Variants in EPHB1 observed in about 807,000 individuals in gnomAD.
EPHB1 encodes ephrin type-B receptor 1.
EPHB1 carries 30 observed loss-of-function variants against 94.4 expected under a neutral mutation model. The ratio of observed to expected loss-of-function variants is 0.32; its 90% CI spans 0.24 to 0.43. The LOEUF (loss-of-function observed/expected upper bound fraction) is 0.43. Among genes scored for constraint, EPHB1 ranks in the 20% least tolerant of loss-of-function variants. The pLI, the probability that EPHB1 is intolerant of heterozygous loss-of-function variation, is 1.00. For synonymous variants in EPHB1, 522 were observed against 489.1 expected, an observed-to-expected ratio of 1.07 and a Z score of -0.89; for missense variants, 1,055 against 1,308.3, an observed-to-expected ratio of 0.81 and a Z score of 2.99.
chr3:135,172,712 G>A (rs916187638), intron 9 of EPHB1, among the ~76,000 whole-genome samples: 2 of 152,266 alleles, frequency 1.3e-5, no homozygotes, highest in African/African-American at 4.8e-5. Context: ...ATTAGTCAAT[G>A]AGGAGAGTAA....
At chr3:134,991,526 A>G (rs1934797961) in intron 3 of EPHB1, among the ~76,000 whole-genome samples, 1 of 152,092 alleles carries the variant, frequency 6.6e-6, no homozygotes, top group Non-Finnish European at 1.5e-5. Flanking sequence ...TTTTAAAAAT[A>G]CCCTCTCAGC....
At chr3:134,939,383 G>GA (rs1454588326) in intron 2 of EPHB1, among the ~76,000 whole-genome samples, 42 of 151,916 alleles carry the variant, frequency 2.8e-4, no homozygotes, top group African/African-American at 1.0e-3. Flanking sequence ...ATGGGGGGTG[G>GA]GGGGGTGGCA....
chr3:135,255,174 C>G (rs898222044), intron 15 of EPHB1, among the ~76,000 whole-genome samples: 7 of 151,946 alleles, frequency 4.6e-5, no homozygotes, highest in Admixed American at 1.3e-4. Context: ...CTCCTGGATT[C>G]ATTAATTTTT....
At chr3:135,237,277 TACACACAC>T (rs10572168) in intron 12 of EPHB1, among the ~76,000 whole-genome samples, 13,276 of 147,386 alleles carry the variant, frequency 0.09, 902 homozygotes, top group East Asian at 0.21. Flanking sequence ...CACCAAATTC[TACACACAC>T]ACACACACAC....
intron 13 of EPHB1, among the ~76,000 whole-genome samples, chr3:135,242,308 G>A (rs922297143): frequency 6.6e-6 from 1 of 152,166 alleles, no homozygotes; most frequent in Admixed American, 6.5e-5. Context: ...AGCTAAAAGA[G>A]AAAGAATGGT....
At chr3:134,963,177 C>CCTTCCTT (rs1214760241) in intron 3 of EPHB1, among the ~76,000 whole-genome samples, 1 of 139,678 alleles carries the variant, frequency 7.2e-6, no homozygotes, top group Non-Finnish European at 1.5e-5. Flanking sequence ...TTCCTTCCTT[C>CCTTCCTT]CTTCCTTCTT....
intron 3 of EPHB1, among the ~76,000 whole-genome samples, chr3:135,035,510 T>C (rs1323310640): frequency 1.3e-5 from 2 of 152,218 alleles, no homozygotes; most frequent in Admixed American, 6.5e-5. Flanking sequence ...AGGAGTCTTT[T>C]ATACTTAAAG....
At chr3:135,101,823 A>G (rs1050778188) in intron 3 of EPHB1, among the ~76,000 whole-genome samples, 6 of 151,890 alleles carry the variant, frequency 4.0e-5, no homozygotes, top group Non-Finnish European at 1.5e-5. Flanking sequence ...TGTGACTCTC[A>G]TCTTATAAGG....
At chr3:135,079,049 G>A (rs1258589369) in intron 3 of EPHB1, among the ~76,000 whole-genome samples, 1 of 151,664 alleles carries the variant, frequency 6.6e-6, no homozygotes, top group Non-Finnish European at 1.5e-5. Context: ...TCTGGGTTAG[G>A]AGTGTATCAG....
At chr3:135,249,556 C>A in intron 15 of EPHB1, 65 bp downstream of exon 15, 2 of 1,549,354 alleles carry the variant, frequency 1.3e-6, no homozygotes, top group East Asian at 2.3e-5. Flanking sequence ...CCTGCTATTG[C>A]AGATGGTGTG....
At chr3:135,159,040 G>A (rs747591499) in intron 6 of EPHB1, among the ~76,000 whole-genome samples, 4 of 152,172 alleles carry the variant, frequency 2.6e-5, no homozygotes, top group African/African-American at 4.8e-5. Context: ...GCATTGAGTT[G>A]TTGAGCGCCC....
intron 3 of EPHB1, among the ~76,000 whole-genome samples, chr3:135,037,145 T>G (rs1936671115): frequency 6.6e-6 from 1 of 152,202 alleles, no homozygotes; most frequent in African/African-American, 2.4e-5. Flanking sequence ...GAGTAACTGC[T>G]CAGGCTTGGA....
At chr3:135,166,132 G>A in intron 8 of EPHB1, 56 bp downstream of exon 8, 2 of 1,372,360 alleles carry the variant, frequency 1.5e-6, no homozygotes, top group African/African-American at 1.4e-5. Context: ...CTCTCCATGT[G>A]CCGTTTCCCA....
chr3:134,992,761 A>T (rs539461543), intron 3 of EPHB1, among the ~76,000 whole-genome samples: 2 of 152,130 alleles, frequency 1.3e-5, no homozygotes, highest in African/African-American at 4.8e-5. Context: ...CCTGAGGGCA[A>T]GGCCTGTGTC....
At chr3:135,064,875 T>C (rs1276857882) in intron 3 of EPHB1, among the ~76,000 whole-genome samples, 1 of 152,200 alleles carries the variant, frequency 6.6e-6, no homozygotes, top group Non-Finnish European at 1.5e-5. Context: ...CTGCCTTTGC[T>C]GTATCCCAGA....
At chr3:135,256,381 G>A (rs889981249) in intron 15 of EPHB1, among the ~76,000 whole-genome samples, 47 of 152,050 alleles carry the variant, frequency 3.1e-4, no homozygotes, top group Non-Finnish European at 5.7e-4. Flanking sequence ...CATATTTAGC[G>A]CTTCCTTCAG....
rs73864226 is a variant in EPHB1 at position 135,009,442 on chromosome 3, T to G, written c.805+57390T>G. ...TATAATTTGGGGGCTTTCCTGTATC[T>G]GTAGATGATGTATCCTGTATCTTTG... On this transcript the variant is annotated intron_variant, in intron 3 of 15. Coordinates refer to ENST00000398015, the MANE Select transcript of EPHB1 (RefSeq NM_004441.5). 5.2e-3 allele frequency among the ~76,000 whole-genome samples: 787 copies of G among 152,322 alleles called. 5 individuals carry two copies. Among genetic ancestry groups the G allele is most frequent in the African/African-American group, 0.018 (757 of 41,568 alleles).
At chr3:134,913,637 A>C (rs2038503758) in intron 1 of EPHB1, among the ~76,000 whole-genome samples, 1 of 152,214 alleles carries the variant, frequency 6.6e-6, no homozygotes, top group Non-Finnish European at 1.5e-5. Context: ...GCCATCAACC[A>C]GTACCAGGGC....
chr3:134,912,492 C>T (rs1263547864), intron 1 of EPHB1, among the ~76,000 whole-genome samples: 2 of 151,130 alleles, frequency 1.3e-5, no homozygotes, highest in Non-Finnish European at 2.9e-5. Context: ...TGTTTCTGGA[C>T]CCCGGCATGC....
Sources: allele counts gnomAD v4.1 joint callset (sites outside exome capture counted in the v4.1 genomes callset), GRCh38; gene constraint gnomAD v4.1.1; transcripts MANE v1.5; gene names NCBI Gene and HGNC (gene_info 2026-07-23, HGNC 2026-07-21).